SNAPC3: variants seen among roughly 807,000 people sequenced by gnomAD.
SNAPC3 encodes the protein snRNA-activating protein complex subunit 3.
In SNAPC3, 56 loss-of-function variants were observed where a neutral mutation model predicts 47.7. That is an observed-to-expected ratio of 1.18 (90% CI 0.95 to 1.47). The LOEUF is 1.47. Among genes scored for constraint, SNAPC3 ranks in the 40% most tolerant of loss-of-function variants. The pLI is 0.00. For synonymous variants in SNAPC3, 235 were observed against 189.9 expected, an observed-to-expected ratio of 1.24 and a Z score of -1.95; for missense variants, 665 against 511.3, an observed-to-expected ratio of 1.30 and a Z score of -2.90.
intron 3 of SNAPC3, among the ~76,000 whole-genome samples, chr9:15,435,085 C>G (rs2032624551): frequency 6.6e-6 from 1 of 151,904 alleles, no homozygotes; most frequent in African/African-American, 2.4e-5. Flanking sequence ...TGTTTTCTAG[C>G]TTTTTTTTAA....
At chr9:15,428,755 T>A (rs530952283) in intron 2 of SNAPC3, among the ~76,000 whole-genome samples, 1 of 151,446 alleles carries the variant, frequency 6.6e-6, no homozygotes, top group Non-Finnish European at 1.5e-5. Context: ...GAAAATAGAC[T>A]GAAATGAAAG....
Position 15,422,971 on chromosome 9 carries a change from A to G in SNAPC3, c.92A>G (p.Glu31Gly), listed in dbSNP as rs748942788. 6.5e-7 allele frequency: 1 copy of G among 1,539,020 alleles called. No homozygotes were observed. Among genetic ancestry groups the G allele is most frequent in the East Asian group, 2.5e-5 (1 of 40,676 alleles). ...GGCAGTGGCGGCTGCAACTTTCCAGAGTATGAGCTTCCCGAGCTAAATACG... is the reference window on the plus strand; with the variant it reads ...GGCAGTGGCGGCTGCAACTTTCCAGGGTATGAGCTTCCCGAGCTAAATACG... ...VSGSGGCNFPEYELPELNTRA... is the reference protein window; with the variant it reads ...VSGSGGCNFPGYELPELNTRA... Residue 31 changes from glutamate to glycine, a missense_variant, in exon 1 of 9, where the codon GAG becomes GGG. Physicochemically the swap from Glu to Gly is moderately conservative, Grantham distance 98. Coordinates refer to ENST00000380821, the MANE Select transcript of SNAPC3 (RefSeq NM_001039697.2).
intron 1 of SNAPC3, 27 bp from the exon 2 acceptor site, chr9:15,423,882 A>T: frequency 2.1e-6 from 3 of 1,426,544 alleles, no homozygotes; most frequent in Non-Finnish European, 2.9e-6. Context: ...GTCGACCTTA[A>T]AGTATTGCTT....
rs374867828 is a variant in SNAPC3, at chr9:15,452,163, A to G, written c.815+761A>G. Among the ~76,000 whole-genome samples, 30 of 151,960 alleles carry G rather than the reference A, an allele frequency of 2.0e-4. No homozygotes were observed. In the East Asian group the frequency reaches 5.4e-3, roughly 28 times the overall value. On this transcript the variant is annotated intron_variant, in intron 6 of 8. Transcript: ENST00000380821. ...TTTTTAGTAGAGACAGGGTTTCAAC[A>G]TGTTGGCCAGGCTGGTCTTGAACTC...
At position 15,453,060 on chromosome 9, in the gene SNAPC3, G is replaced by C. The variant is rs768134375; in HGVS notation, c.835G>C (p.Glu279Gln). 3.1e-6 allele frequency: 5 copies of C among 1,613,336 alleles called. No individual in the cohort carries two copies. In the Admixed American group the frequency reaches 8.3e-5, roughly 27 times the overall value. Reference protein sequence around the residue: ...DLSRTIIEWSESHDRGYGKFQ... With the variant: ...DLSRTIIEWSQSHDRGYGKFQ... ...CCTCAGAACTATCATTGAGTGGTCAGAGTCCCATGATAGAGGCTATGGAAA... is the reference window on the plus strand; with the variant it reads ...CCTCAGAACTATCATTGAGTGGTCACAGTCCCATGATAGAGGCTATGGAAA... Residue 279 changes from glutamate (E) to glutamine (Q), a missense_variant, in exon 7 of 9, where the codon GAG becomes CAG. Physicochemically the swap from Glu to Gln is conservative, Grantham distance 29 (BLOSUM62 2). Coordinates refer to ENST00000380821, the MANE Select transcript of SNAPC3 (RefSeq NM_001039697.2).
chr9:15,443,173 G>C (rs2033643952), intron 3 of SNAPC3, among the ~76,000 whole-genome samples: 2 of 152,182 alleles, frequency 1.3e-5, no homozygotes, highest in Admixed American at 1.3e-4. Context: ...GAGAGAGGGA[G>C]AGGGAGACCG....
intron 2 of SNAPC3, among the ~76,000 whole-genome samples, chr9:15,425,902 C>T (rs1266972157): frequency 6.6e-6 from 1 of 152,176 alleles, no homozygotes; most frequent in Non-Finnish European, 1.5e-5. Flanking sequence ...ACTCTTGTTG[C>T]CCAGGCCTGA....
At chr9:15,463,581 C>CCA (rs532640495), downstream of SNAPC3, 1 of 151,906 alleles carries the variant, frequency 6.6e-6, no homozygotes, top group Non-Finnish European at 1.5e-5. Context: ...GGAGTTTTGA[C>CCA]CACACACACA....
In SNAPC3 at chr9:15,451,412, C is replaced by A. The variant is rs41313977; in HGVS notation, c.815+10C>A. ...GCAGAGATTTGAGCAGGTATAGTTT[C>A]CAAAAATCTTCTCAAAGTCTTTCCT... On this transcript the variant is annotated intron_variant, in intron 6 of 8. Transcript: ENST00000380821. 3 of 1,349,070 alleles carry A rather than the reference C, an allele frequency of 2.2e-6. No homozygotes were observed. Among genetic ancestry groups the A allele is most frequent in the Non-Finnish European group, 3.1e-6 (3 of 972,250 alleles). 83.6% of individuals were successfully genotyped at this position (1,349,070 alleles called of 1,614,324 possible).
chr9:15,451,285 T>C (rs747901096), intron 5 of SNAPC3, 35 bp from the exon 6 acceptor site: 1 of 861,826 alleles, frequency 1.2e-6, no homozygotes, highest in Non-Finnish European at 1.8e-6. Context: ...TTGTTAATAG[T>C]TGATTTTCTC....
chr9:15,433,633 G>C lies in SNAPC3; in HGVS notation c.474G>C (p.Glu158Asp). 6.3e-7 allele frequency: 1 copy of C among 1,580,642 alleles called. No homozygotes were observed. Among genetic ancestry groups the C allele is most frequent in the Non-Finnish European group, 8.7e-7 (1 of 1,152,412 alleles). ...RACRQETFVYEMESHAIGKKP... is the reference protein window; with the variant it reads ...RACRQETFVYDMESHAIGKKP... ...GCAGACAAGAAACATTCGTTTATGA[G>C]ATGGTAATTAAGAGTCTCATCTTTT... Residue 158 changes from glutamate to aspartate, a missense_variant, in exon 3 of 9, where the codon GAG becomes GAC. Physicochemically the swap from Glu to Asp is conservative, Grantham distance 45 (BLOSUM62 2). Transcript: ENST00000380821.
At chr9:15,436,755 C>T (rs7042165) in intron 3 of SNAPC3, among the ~76,000 whole-genome samples, 137,973 of 151,532 alleles carry the variant, frequency 0.91, 63,061 homozygotes, top group African/African-American at 0.95. Context: ...CTTAATGATA[C>T]CAAGTCTTCC....
intron 8 of SNAPC3, among the ~76,000 whole-genome samples, chr9:15,459,306 TAAG>T (rs2035024816): frequency 6.6e-6 from 1 of 152,332 alleles, no homozygotes. Flanking sequence ...ATTTATCAGT[TAAG>T]AAGGTATATT....
chr9:15,448,822 T>G (rs2034141242), intron 5 of SNAPC3, among the ~76,000 whole-genome samples: 2 of 152,086 alleles, frequency 1.3e-5, no homozygotes, highest in Admixed American at 1.3e-4. Context: ...TCTTTTTCTT[T>G]CTTTTTTTTT....
chr9:15,438,912 G>T (rs1158840526), intron 3 of SNAPC3, among the ~76,000 whole-genome samples: 2 of 151,910 alleles, frequency 1.3e-5, no homozygotes, highest in Non-Finnish European at 2.9e-5. Context: ...CTATCTAGTT[G>T]TTCTACCCGT....
At chr9:15,451,499 T>C in intron 6 of SNAPC3, 97 bp downstream of exon 6, 2 of 514,214 alleles carry the variant, frequency 3.9e-6, no homozygotes, top group Middle Eastern at 2.9e-4. Flanking sequence ...TTAAGGACCT[T>C]TGCCAAGGAA....
At chr9:15,436,136 A>T (rs2032782007) in intron 3 of SNAPC3, among the ~76,000 whole-genome samples, 1 of 152,212 alleles carries the variant, frequency 6.6e-6, no homozygotes, top group Admixed American at 6.5e-5. Flanking sequence ...GGGCAACCAC[A>T]GTCAGCCTTT....
intron 4 of SNAPC3, among the ~76,000 whole-genome samples, chr9:15,446,187 G>A (rs1206833859): frequency 6.6e-6 from 1 of 152,174 alleles, no homozygotes; most frequent in Non-Finnish European, 1.5e-5. Flanking sequence ...TTCCATGGCT[G>A]AGTATGTCAG....
In SNAPC3 at chr9:15,447,259, T is replaced by C. The variant is rs757587187; in HGVS notation, c.732+15T>C. The C allele has an allele frequency of 6.2e-7, 1 of 1,612,810 alleles. No homozygotes were observed. Among genetic ancestry groups the C allele is most frequent in the South Asian group, 1.1e-5 (1 of 90,980 alleles). On this transcript the variant is annotated intron_variant, in intron 5 of 8. Transcript: ENST00000380821. ...ACATCAGCAAAGTAAGGTGATTTCC[T>C]CCCATAAAACAAAAGGAAATAACAA...
Sources: allele counts gnomAD v4.1 joint callset (sites outside exome capture counted in the v4.1 genomes callset), GRCh38; gene constraint gnomAD v4.1.1; transcripts MANE v1.5; gene names NCBI Gene and HGNC (gene_info 2026-07-23, HGNC 2026-07-21).